ANO6: variants seen among roughly 807,000 people sequenced by gnomAD.
The protein encoded by ANO6 is anoctamin 6, also known as anoctamin-6.
A neutral mutation model predicts 117.5 loss-of-function variants in ANO6; 106 were observed. The ratio of observed to expected loss-of-function variants is 0.90; its 90% CI spans 0.77 to 1.06. ANO6 has a LOEUF of 1.06. ANO6 is among the 50% of genes least tolerant of loss of function. The pLI, the probability that ANO6 is intolerant of heterozygous loss-of-function variation, is 0.00. For missense variants in ANO6, 955 were observed against 1,121.1 expected (o/e 0.85, Z 2.12); for synonymous variants, 367 against 385.1 (o/e 0.95, Z 0.55).
intron 1 of ANO6, among the ~76,000 whole-genome samples, chr12:45,262,307 G>C (rs1329529715): frequency 6.6e-6 from 1 of 151,780 alleles, no homozygotes; most frequent in Non-Finnish European, 1.5e-5. Context: ...TCTTTTATTG[G>C]GTTAAAGTAT....
At chr12:45,378,245 C>A in intron 10 of ANO6, 132 bp downstream of exon 10, 1 of 855,154 alleles carries the variant, frequency 1.2e-6, no homozygotes, top group Non-Finnish European at 1.9e-6. Flanking sequence ...CCATTTATAA[C>A]TGAGGGCATT....
rs1947678379 is a variant in ANO6 at position 45,238,188 on chromosome 12, T to C, written c.70+21797T>C. 2.7e-5 allele frequency among the ~76,000 whole-genome samples: 4 copies of C among 149,904 alleles called. No individual in the cohort carries two copies. In the South Asian group the frequency reaches 8.5e-4, roughly 32 times the overall value. Reference sequence around the variant, plus strand: ...TTTTTTGAGACAGAGTCTCACTCTGTCGCCCAGGCTGGAGTGCAGTGGCAG... The same window carrying C: ...TTTTTTGAGACAGAGTCTCACTCTGCCGCCCAGGCTGGAGTGCAGTGGCAG... On this transcript the variant is annotated intron_variant, in intron 1 of 19. Transcript: ENST00000320560.
intron 1 of ANO6, among the ~76,000 whole-genome samples, chr12:45,257,420 C>T (rs1937874258): frequency 6.6e-6 from 1 of 152,170 alleles, no homozygotes; most frequent in Non-Finnish European, 1.5e-5. Flanking sequence ...AGAGTAGGCA[C>T]TTGGAATGAT....
At chr12:45,217,028 G>A (rs1947326129) in intron 1 of ANO6, among the ~76,000 whole-genome samples, 1 of 152,234 alleles carries the variant, frequency 6.6e-6, no homozygotes, top group African/African-American at 2.4e-5. Context: ...GTCCTGAGGG[G>A]CCCTGGGGCT....
chr12:45,380,065 C>T (rs939734077), intron 10 of ANO6, among the ~76,000 whole-genome samples: 7 of 152,118 alleles, frequency 4.6e-5, no homozygotes, highest in African/African-American at 9.7e-5. Context: ...TGTGCCCAGA[C>T]GCATATGGCA....
intron 19 of ANO6, among the ~76,000 whole-genome samples, chr12:45,424,691 G>A (rs2137716749): frequency 6.6e-6 from 1 of 152,164 alleles, no homozygotes; most frequent in South Asian, 2.1e-4. Flanking sequence ...TAGTGCTGGA[G>A]GTCTCAAAGA....
At chr12:45,293,655 G>T (rs934255151) in intron 1 of ANO6, among the ~76,000 whole-genome samples, 1 of 150,320 alleles carries the variant, frequency 6.7e-6, no homozygotes, top group African/African-American at 2.4e-5. Flanking sequence ...CCGCCTCCCA[G>T]GTTCACACCA....
At chr12:45,246,460 G>A (rs992521977) in intron 1 of ANO6, among the ~76,000 whole-genome samples, 1 of 152,180 alleles carries the variant, frequency 6.6e-6, no homozygotes, top group African/African-American at 2.4e-5. Context: ...CGAGGAAAGA[G>A]CAATGGAGCT....
chr12:45,313,572 C>T (rs1371186218), intron 2 of ANO6: 1 of 152,008 alleles, frequency 6.6e-6, no homozygotes, highest in Non-Finnish European at 1.5e-5. Context: ...TGCCATACCC[C>T]GTATCATTCC....
At chr12:45,347,697 C>T (rs1941174561) in intron 4 of ANO6, among the ~76,000 whole-genome samples, 1 of 152,170 alleles carries the variant, frequency 6.6e-6, no homozygotes, top group Non-Finnish European at 1.5e-5. Context: ...GCTAGCACTA[C>T]AATGAATATT....
intron 1 of ANO6, among the ~76,000 whole-genome samples, chr12:45,290,090 T>C (rs1939045945): frequency 6.6e-6 from 1 of 152,156 alleles, no homozygotes; most frequent in African/African-American, 2.4e-5. Context: ...GGCTGCAAAA[T>C]ATGAATGTGT....
chr12:45,352,742 A>T (rs942606256), intron 7 of ANO6, among the ~76,000 whole-genome samples: 2 of 151,850 alleles, frequency 1.3e-5, no homozygotes, highest in Non-Finnish European at 2.9e-5. Flanking sequence ...AAAAAAAAAA[A>T]ATTATTTAAT....
At chr12:45,325,714 A>G (rs879457240) in intron 2 of ANO6, among the ~76,000 whole-genome samples, 4 of 152,148 alleles carry the variant, frequency 2.6e-5, no homozygotes, top group Non-Finnish European at 4.4e-5. Flanking sequence ...TTTTCTGCAG[A>G]TCACCTCTAA....
intron 16 of ANO6, among the ~76,000 whole-genome samples, chr12:45,416,361 C>A (rs7977798): frequency 0.14 from 21,566 of 151,868 alleles, 2,236 homozygotes; most frequent in East Asian, 0.36. Flanking sequence ...AATCTTCTTT[C>A]AACATTCTAT....
chr12:45,218,390 C>CTTTTTTTTTTTTTT (rs76855973), intron 1 of ANO6, among the ~76,000 whole-genome samples: 4 of 110,134 alleles, frequency 3.6e-5, no homozygotes, highest in African/African-American at 1.1e-4. Context: ...CTTTCTTTCT[C>CTTTTTTTTTTTTTT]TTTTTTTTTT....
At chr12:45,318,085 C>G (rs1318445258) in intron 2 of ANO6, among the ~76,000 whole-genome samples, 1 of 152,178 alleles carries the variant, frequency 6.6e-6, no homozygotes, top group Non-Finnish European at 1.5e-5. Context: ...CTTGTTCACT[C>G]TGATGGTAAT....
intron 7 of ANO6, 114 bp from the exon 8 acceptor site, chr12:45,357,176 G>C (rs1403266372): frequency 2.6e-5 from 31 of 1,204,210 alleles, no homozygotes; most frequent in Non-Finnish European, 3.7e-5. Flanking sequence ...AGGGTGAATT[G>C]AGTCAGATTT....
chr12:45,421,860 G>A (rs1450987213), intron 18 of ANO6, among the ~76,000 whole-genome samples: 3 of 152,134 alleles, frequency 2.0e-5, no homozygotes, highest in African/African-American at 7.2e-5. Context: ...TATGTACCAG[G>A]TAAATTACCA....
At chr12:45,371,314 A>AG (rs1941827544) in intron 9 of ANO6, among the ~76,000 whole-genome samples, 1 of 152,240 alleles carries the variant, frequency 6.6e-6, no homozygotes, top group African/African-American at 2.4e-5. Context: ...AGGCTTGCTT[A>AG]GGTAAACAAA....
Sources: allele counts gnomAD v4.1 joint callset (sites outside exome capture counted in the v4.1 genomes callset), GRCh38; gene constraint gnomAD v4.1.1; transcripts MANE v1.5; gene names NCBI Gene and HGNC (gene_info 2026-07-23, HGNC 2026-07-21).